ZSWIM8: variants seen among roughly 807,000 people sequenced by gnomAD.
ZSWIM8 encodes zinc finger SWIM domain-containing protein 8.
Under a neutral mutation model 173.7 loss-of-function variants are expected in ZSWIM8, and 27 were observed. The observed-to-expected ratio is 0.16, with a 90% CI of 0.11 to 0.21. ZSWIM8 has a LOEUF of 0.21. Among genes scored for constraint, ZSWIM8 ranks in the 10% least tolerant of loss-of-function variants. The probability of loss-of-function intolerance (pLI) is 1.00; values close to 1 mark genes in which losing one functional copy is unlikely to be tolerated. For missense variants in ZSWIM8, 1,627 were observed against 2,428.8 expected (o/e 0.67, Z 6.94); for synonymous variants, 958 against 962.0 (o/e 1.00, Z 0.08).
Position 73,792,635 on chromosome 10 carries a change from A to C in ZSWIM8, c.2096A>C (p.Gln699Pro), listed in dbSNP as rs1214035335. The C allele has an allele frequency of 6.2e-7, 1 of 1,613,896 alleles. No individual in the cohort carries two copies. Among genetic ancestry groups the C allele is most frequent in the Non-Finnish European group, 8.5e-7 (1 of 1,179,878 alleles). The change falls in exon 10 of 26, where the codon CAG becomes CCG. Residue 699 changes from glutamine to proline, a missense_variant. Transcript: ENST00000604729. The surrounding 1 kb of genome is among the most constrained non-coding windows in gnomAD (Gnocchi z 4.3). The stretch of plus-strand genomic sequence containing the variant: ...CTACTGCCTGGGGATGTCTGTACCC[A>C]GGACGACCTCCCTTCTACAGATGAG... ...PGLLPGDVCT[Q>P]DDLPSTDESG...
Position 73,785,704 on chromosome 10 carries a change from C to G in ZSWIM8, c.-175C>G, listed in dbSNP as rs1449276846. 8.5e-6 allele frequency: 6 copies of G among 708,986 alleles called. No homozygotes were observed. Among genetic ancestry groups the G allele is most frequent in the Middle Eastern group, 2.4e-4 (1 of 4,194 alleles). The allele number at this position is 708,986 out of a possible 1,614,324, so 43.9% of individuals were successfully genotyped here. ...TTGCACCGCGCTGTTGGGCGAGGCC[C>G]GGTCCCGTCTCTTTCCCAGGCCTGA... On this transcript the variant is annotated 5_prime_UTR_variant, in exon 1 of 26. Transcript: ENST00000604729.
In ZSWIM8 at chr10:73,792,165, C is replaced by G; in HGVS notation, c.1626C>G (p.Pro542=). Residue 542 remains proline, a synonymous_variant, in exon 10 of 26, where the codon CCC becomes CCG. Coordinates refer to ENST00000604729, the MANE Select transcript of ZSWIM8 (RefSeq NM_001367799.1). The surrounding 1 kb of genome is among the most constrained non-coding windows in gnomAD (Gnocchi z 4.3). The part of the protein sequence containing the change: ...RPLPTEPAVR[P]KEPGTKRKGL... ...TTCCTACTGAGCCAGCTGTGCGGCC[C>G]AAGGAGCCTGGGACCAAGCGAAAGG... 1 of 1,528,772 alleles carries G rather than the reference C, an allele frequency of 6.5e-7. No homozygotes were observed. The highest frequency in any genetic ancestry group is 8.8e-7 in the Non-Finnish European group (1 of 1,138,938). 94.7% of individuals were successfully genotyped at this position (1,528,772 alleles called of 1,614,324 possible).
chr10:73,795,979 A>G (rs1371474777), intron 15 of ZSWIM8, among the ~76,000 whole-genome samples: 1 of 150,618 alleles, frequency 6.6e-6, no homozygotes, highest in African/African-American at 2.4e-5. Flanking sequence ...AAAAAAAAAA[A>G]AAAAAGGCAA....
In ZSWIM8 at chr10:73,793,930, G is replaced by A. The variant is rs375341128; in HGVS notation, c.2511G>A (p.Ala837=). Residue 837 remains alanine (A), a synonymous_variant, in exon 12 of 26, where the codon GCG becomes GCA. Coordinates refer to ENST00000604729, the MANE Select transcript of ZSWIM8 (RefSeq NM_001367799.1). ...TGGCTACCAACACCCTGAGCAAGGC[G>A]GCCTTCCTGTTGACAGTGCTAAGTG... is the stretch of plus-strand genomic sequence containing the variant. ...TWVATNTLSK[A]AFLLTVLSER... is the part of the protein sequence containing the mutation. 1.5e-5 allele frequency: 25 copies of A among 1,613,310 alleles called. No homozygotes were observed. Among genetic ancestry groups the A allele is most frequent in the East Asian group, 2.2e-5 (1 of 44,890 alleles).
rs763538095 is a variant in ZSWIM8, at chr10:73,793,915, C to T, written c.2496C>T (p.Asn832=). ...STSRQTWVAT[N]TLSKAAFLLT... ...GCCGTCAGACCTGGGTGGCTACCAA[C>T]ACCCTGAGCAAGGCGGCCTTCCTGT... Residue 832 remains asparagine (N), a synonymous_variant, in exon 12 of 26, where the codon AAC becomes AAT. Transcript: ENST00000604729. The T allele has an allele frequency of 6.2e-7, 1 of 1,613,392 alleles. No homozygotes were observed.
intron 14 of ZSWIM8, 24 bp downstream of exon 14, chr10:73,794,663 G>A (rs1416815214): frequency 6.5e-7 from 1 of 1,539,910 alleles, no homozygotes; most frequent in Non-Finnish European, 8.8e-7. Context: ...ATATCAACGA[G>A]CTAAGCCTGG....
Position 73,794,223 on chromosome 10 carries a change from C to G in ZSWIM8, c.2702C>G (p.Thr901Ser). ...CCTCTGGGTCCAAGTGAGATGAGTA[C>G]CATGCGGTGCCGGGCAGAGGAACTT... The part of the protein sequence containing the change: ...KIPLGPSEMS[T>S]MRCRAEELRE... The change falls in exon 13 of 26, where the codon ACC (threonine) becomes AGC (serine). Residue 901 changes from threonine (T) to serine (S), a missense_variant. Physicochemically the swap from Thr to Ser is moderately conservative, Grantham distance 58. Coordinates refer to ENST00000604729, the MANE Select transcript of ZSWIM8 (RefSeq NM_001367799.1). 6.2e-7 allele frequency: 1 copy of G among 1,614,020 alleles called. No homozygotes were observed. The highest frequency in any genetic ancestry group is 8.5e-7 in the Non-Finnish European group (1 of 1,179,902).
rs2083216838 is a variant in ZSWIM8 at position 73,786,313 on chromosome 10, C to T, written c.208+227C>T. 5 of 518,554 alleles carry T rather than the reference C, an allele frequency of 9.6e-6. No individual in the cohort carries two copies. The South Asian group carries it at 1.5e-4, about 16-fold the overall frequency. The allele number at this position is 518,554 out of a possible 1,614,324, so 32.1% of individuals were successfully genotyped here. A position where few individuals can be genotyped will look rare whatever the true frequency, so the allele number is the denominator to read the frequency against. The stretch of plus-strand genomic sequence containing the variant: ...CCTGGGGTGGGCTGGCTTCTCCACA[C>T]CTGTGTGTGTGTGGGTGTGTGTGTG... On this transcript the variant is annotated intron_variant, in intron 1 of 25. Transcript: ENST00000604729.
rs545299946 is a variant in ZSWIM8 at position 73,797,725 on chromosome 10, C to T, written c.3663-56C>T. On this transcript the variant is annotated intron_variant, in intron 18 of 25. Transcript: ENST00000604729. This position sits in a 1 kb window ranked among gnomAD's most constrained non-coding sequence, Gnocchi z 5.6. Reference sequence around the variant, plus strand: ...TTTCCCTGGTCCTTCCCAACCTACCCGGATGCCCATTTCAAAGAAACCCCA... The same window carrying T: ...TTTCCCTGGTCCTTCCCAACCTACCTGGATGCCCATTTCAAAGAAACCCCA... 515 of 1,574,732 alleles carry T rather than the reference C, an allele frequency of 3.3e-4. No individual in the cohort carries two copies. Among genetic ancestry groups the T allele is most frequent in the Non-Finnish European group, 4.1e-4 (477 of 1,157,534 alleles).
rs2083422968 is a variant in ZSWIM8 at position 73,791,776 on chromosome 10, G to A, written c.1320-83G>A. The stretch of plus-strand genomic sequence containing the variant: ...GTACTTTCCTGTATCCTTTCCCCAT[G>A]CCTCTCTTTGGGGTGTACACCTACT... On this transcript the variant is annotated intron_variant, in intron 9 of 25. Coordinates refer to ENST00000604729, the MANE Select transcript of ZSWIM8 (RefSeq NM_001367799.1). This position sits in a 1 kb window ranked among gnomAD's most constrained non-coding sequence, Gnocchi z 6.0. 1 of 1,430,496 alleles carries A rather than the reference G, an allele frequency of 7.0e-7. No homozygotes were observed. Among genetic ancestry groups the A allele is most frequent in the African/African-American group, 1.4e-5 (1 of 69,308 alleles). The allele number at this position is 1,430,496 out of a possible 1,614,324, so 88.6% of individuals were successfully genotyped here. A position where few individuals can be genotyped will look rare whatever the true frequency, so the allele number is the denominator to read the frequency against.
At position 73,794,128 on chromosome 10, in the gene ZSWIM8, C is replaced by T. The variant is rs1211200283; in HGVS notation, c.2626-19C>T. 5.0e-6 allele frequency: 8 copies of T among 1,613,388 alleles called. No homozygotes were observed. The highest frequency in any genetic ancestry group is 5.1e-6 in the Non-Finnish European group (6 of 1,179,588). ...TCTATTGACACACCAGAGGTCTGAG[C>T]TCCTTCCTGTGCCCTCAGGTGAAGC... On this transcript the variant is annotated intron_variant, in intron 12 of 25. Transcript: ENST00000604729.
At chr10:73,794,447 G>A (rs1388896803) in intron 13 of ZSWIM8, 94 bp from the exon 14 acceptor site, 1 of 1,557,966 alleles carries the variant, frequency 6.4e-7, no homozygotes, top group African/African-American at 1.4e-5. Context: ...CAGCTTCATG[G>A]GTAGGTCTGT....
rs373631506 is a variant in ZSWIM8, at chr10:73,789,939, G to A, written c.739-17G>A. The A allele has an allele frequency of 3.1e-5, 50 of 1,610,592 alleles. No homozygotes were observed. In the Admixed American group the frequency reaches 3.7e-4, roughly 12 times the overall value. On this transcript the variant is annotated splice_polypyrimidine_tract_variant and intron_variant, in intron 5 of 25. Coordinates refer to ENST00000604729, the MANE Select transcript of ZSWIM8 (RefSeq NM_001367799.1). The surrounding 1 kb of genome is among the most constrained non-coding windows in gnomAD (Gnocchi z 6.8). ...CCTAGGCCGTGTTCTGCCTGCCTCC[G>A]TCTCTTTCTCCCTCAGATCCTCCCC...
At chr10:73,795,822 G>T (rs568899004) in intron 15 of ZSWIM8, among the ~76,000 whole-genome samples, 159 bp downstream of exon 15, 21 of 152,178 alleles carry the variant, frequency 1.4e-4, no homozygotes, top group Admixed American at 9.2e-4. Flanking sequence ...TAGCAGCTGG[G>T]TGTGGTGGCA....
chr10:73,789,266 A>G lies in ZSWIM8; in HGVS notation c.457+76A>G, dbSNP rs910188720. 1.2e-6 allele frequency: 2 copies of G among 1,605,584 alleles called. No homozygotes were observed. Among genetic ancestry groups the G allele is most frequent in the Non-Finnish European group, 8.5e-7 (1 of 1,174,022 alleles). Reference sequence around the variant, plus strand: ...GCTTATGAAGTAAGAACACACCGCAAGAAGCTGGAGCATGTTGTCTGAATA... The same window carrying G: ...GCTTATGAAGTAAGAACACACCGCAGGAAGCTGGAGCATGTTGTCTGAATA... On this transcript the variant is annotated intron_variant, in intron 3 of 25. Coordinates refer to ENST00000604729, the MANE Select transcript of ZSWIM8 (RefSeq NM_001367799.1). This position sits in a 1 kb window ranked among gnomAD's most constrained non-coding sequence, Gnocchi z 6.8.
chr10:73,788,549 C>T, intron 1 of ZSWIM8, 121 bp from the exon 2 acceptor site: 3 of 1,243,818 alleles, frequency 2.4e-6, no homozygotes, highest in Non-Finnish European at 3.3e-6. Context: ...TCATCCAGGT[C>T]TCTTCTTTCT....
chr10:73,793,737 T>G lies in ZSWIM8; in HGVS notation c.2445+18T>G. On this transcript the variant is annotated intron_variant, in intron 11 of 25. Transcript: ENST00000604729. ...CTGCCAAGGTGAGAGACCCCCTTCC[T>G]CTACCTTCCCCTCCCCCACTTACCC... 1.3e-6 allele frequency: 2 copies of G among 1,515,436 alleles called. No individual in the cohort carries two copies. The highest frequency in any genetic ancestry group is 1.8e-6 in the Non-Finnish European group (2 of 1,128,998). 93.9% of individuals were successfully genotyped at this position (1,515,436 alleles called of 1,614,324 possible). A position where few individuals can be genotyped will look rare whatever the true frequency, so the allele number is the denominator to read the frequency against.
At chr10:73,798,734 G>A (rs1457296709) in intron 20 of ZSWIM8, among the ~76,000 whole-genome samples, 3 of 152,204 alleles carry the variant, frequency 2.0e-5, no homozygotes, top group Non-Finnish European at 4.4e-5. Flanking sequence ...ACTTAGGGAA[G>A]GCCTCATACA....
chr10:73,801,284 C>A lies in ZSWIM8; in HGVS notation c.5302-32C>A, dbSNP rs765549125. On this transcript the variant is annotated intron_variant, in intron 25 of 25. Coordinates refer to ENST00000604729, the MANE Select transcript of ZSWIM8 (RefSeq NM_001367799.1). This position sits in a 1 kb window ranked among gnomAD's most constrained non-coding sequence, Gnocchi z 4.9. ...GCAGGGCCTGTTTCTGTGCTTTGTA[C>A]TAAGGCTCATCCTGCACACATCCTC... 1 of 1,611,294 alleles carries A rather than the reference C, an allele frequency of 6.2e-7. No individual in the cohort carries two copies.
Sources: allele counts gnomAD v4.1 joint callset (sites outside exome capture counted in the v4.1 genomes callset), GRCh38; gene constraint gnomAD v4.1.1; non-coding constraint Gnocchi (gnomAD v3.1); transcripts MANE v1.5; gene names NCBI Gene and HGNC (gene_info 2026-07-23, HGNC 2026-07-21).